The following RAB3B variants were observed in gnomAD, a reference collection of about 807,000 sequenced individuals.
The protein encoded by RAB3B is ras-related protein Rab-3B.
Under a neutral mutation model 20.5 loss-of-function variants are expected in RAB3B, and 11 were observed. That is an observed-to-expected ratio of 0.54 (90% CI 0.34 to 0.89). The LOEUF is 0.89. Among genes scored for constraint, RAB3B ranks in the 40% least tolerant of loss-of-function variants. The probability of loss-of-function intolerance (pLI) is 0.02; values close to 1 mark genes in which losing one functional copy is unlikely to be tolerated. For synonymous variants in RAB3B, 99 were observed against 106.3 expected (o/e 0.93, Z 0.42); for missense variants, 225 against 280.9 (o/e 0.80, Z 1.42).
chr1:51,924,998 G>A (rs1684225110), intron 4 of RAB3B, among the ~76,000 whole-genome samples: 2 of 152,018 alleles, frequency 1.3e-5, no homozygotes, highest in Admixed American at 1.3e-4. Context: ...AATCTGAGAT[G>A]TTCCTCCACC....
At chr1:51,939,408 G>T (rs1297067492) in intron 2 of RAB3B, among the ~76,000 whole-genome samples, 1 of 152,036 alleles carries the variant, frequency 6.6e-6, no homozygotes. Context: ...CAAAAAGGTA[G>T]GCCTTAAATC....
chr1:51,947,929 T>C (rs181434913), intron 2 of RAB3B, among the ~76,000 whole-genome samples: 1 of 152,262 alleles, frequency 6.6e-6, no homozygotes, highest in East Asian at 1.9e-4. Flanking sequence ...GATGGACAGT[T>C]CTGATTATTA....
At chr1:51,964,407 G>GC (rs1342541483) in intron 2 of RAB3B, among the ~76,000 whole-genome samples, 2 of 151,764 alleles carry the variant, frequency 1.3e-5, no homozygotes, top group Non-Finnish European at 2.9e-5. Context: ...ATGTCTCCGG[G>GC]CTCAGTCTGT....
At chr1:51,968,123 T>C (rs1684881603) in intron 2 of RAB3B, among the ~76,000 whole-genome samples, 1 of 152,046 alleles carries the variant, frequency 6.6e-6, no homozygotes, top group Non-Finnish European at 1.5e-5. Context: ...CTCTGGAAGC[T>C]GGAAAAGGCA....
At chr1:51,981,007 T>A (rs1463459266) in intron 1 of RAB3B, among the ~76,000 whole-genome samples, 1 of 152,174 alleles carries the variant, frequency 6.6e-6, no homozygotes, top group Non-Finnish European at 1.5e-5. Flanking sequence ...TTACCAGCTG[T>A]AGCTCAATTA....
At chr1:51,990,156 G>A (rs1438304907) in intron 1 of RAB3B, among the ~76,000 whole-genome samples, 1 of 100,344 alleles carries the variant, frequency 1.0e-5, no homozygotes, top group Non-Finnish European at 2.0e-5. Context: ...CGCCCCCTTC[G>A]CTGCCCCTCG....
At chr1:51,980,808 A>G in intron 1 of RAB3B, 1 of 747,872 alleles carries the variant, frequency 1.3e-6, no homozygotes, top group Non-Finnish European at 2.4e-6. Context: ...GACCCCCACC[A>G]AAGCCCATGT....
chr1:51,946,376 G>A lies in RAB3B; in HGVS notation c.229-8964C>T, dbSNP rs561005224. 2.6e-5 allele frequency among the ~76,000 whole-genome samples: 4 copies of A among 152,276 alleles called. No individual in the cohort carries two copies. The South Asian group carries it at 8.3e-4, about 32-fold the overall frequency. ...CTTTTATTTTTAAAAATCACACTGA[G>A]GAACATTGATTCTCCTCCTACTGAT... On this transcript the variant is annotated intron_variant, in intron 2 of 4. Transcript: ENST00000371655.
At position 51,916,070 on chromosome 1, in the gene RAB3B, T is replaced by A. The variant is rs1684080530; in HGVS notation, c.*3857A>T. 6.6e-6 allele frequency: 1 copy of A among 152,236 alleles called. No individual in the cohort carries two copies. Among genetic ancestry groups the A allele is most frequent in the Non-Finnish European group, 1.5e-5 (1 of 68,048 alleles). 9.4% of individuals were successfully genotyped at this position (152,236 alleles called of 1,614,324 possible). Reference sequence around the variant, plus strand: ...CAGGACAAGTTGCCACTAACACATATTACACAGCTTGAACCTTGGTGGCTA... The same window carrying A: ...CAGGACAAGTTGCCACTAACACATAATACACAGCTTGAACCTTGGTGGCTA... On this transcript the variant is annotated 3_prime_UTR_variant, in exon 5 of 5. Coordinates refer to ENST00000371655, the MANE Select transcript of RAB3B (RefSeq NM_002867.4).
At position 51,986,146 on chromosome 1, in the gene RAB3B, A is replaced by AT. The variant is rs11308826; in HGVS notation, c.-1+4405dup. On this transcript the variant is annotated intron_variant, in intron 1 of 4. Coordinates refer to ENST00000371655, the MANE Select transcript of RAB3B (RefSeq NM_002867.4). ...ACATAGTGAGATTCCATTTCTACGA[A>AT]TTTTTTTTTTTTTTTTTTTTTTGAG... is the stretch of plus-strand genomic sequence containing the variant. Among the ~76,000 whole-genome samples, 91 of 89,242 alleles carry AT rather than the reference A, an allele frequency of 1.0e-3. 2 individuals are homozygous for AT. The highest frequency in any genetic ancestry group is 3.1e-3 in the African/African-American group (74 of 24,176). 58.5% of individuals were successfully genotyped at this position (89,242 alleles called of 152,430 possible). A position where few individuals can be genotyped will look rare whatever the true frequency, so the allele number is the denominator to read the frequency against.
At position 51,919,969 on chromosome 1, in the gene RAB3B, G is replaced by A. The variant is rs1406792480; in HGVS notation, c.618C>T (p.Leu206=). Residue 206 remains leucine (L), a synonymous_variant, in exon 5 of 5, where the codon CTC becomes CTT. Transcript: ENST00000371655. ...SMLGSSKNTR[L]SDTPPLLQQN... ...GCTGCAGCAGCGGTGGGGTGTCCGA[G>A]AGACGCGTGTTCTTGGAGGAGCCCA... The A allele has an allele frequency of 6.2e-7, 1 of 1,614,086 alleles. No homozygotes were observed. Among genetic ancestry groups the A allele is most frequent in the Non-Finnish European group, 8.5e-7 (1 of 1,179,994 alleles).
At chr1:51,928,211 A>G (rs1251436879) in intron 4 of RAB3B, among the ~76,000 whole-genome samples, 1 of 152,034 alleles carries the variant, frequency 6.6e-6, no homozygotes, top group Non-Finnish European at 1.5e-5. Flanking sequence ...GGTTCAGGCG[A>G]TTCTCCTGCC....
chr1:51,989,103 G>GCACACACACACACA (rs60307928), intron 1 of RAB3B, among the ~76,000 whole-genome samples: 11,235 of 132,582 alleles, frequency 0.085, 825 homozygotes, highest in Non-Finnish European at 0.12. Flanking sequence ...CTGTGCGCGC[G>GCACACACACACACA]CACACACACA....
At chr1:51,924,142 T>C (rs990036771) in intron 4 of RAB3B, among the ~76,000 whole-genome samples, 13 of 152,018 alleles carry the variant, frequency 8.6e-5, no homozygotes, top group East Asian at 5.8e-4. Flanking sequence ...GAGGGTGTGG[T>C]TGAGGGGATA....
At position 51,919,070 on chromosome 1, in the gene RAB3B, G is replaced by A. The variant is rs887583542; in HGVS notation, c.*857C>T. The A allele has an allele frequency of 4.7e-5, 7 of 147,504 alleles. No individual in the cohort carries two copies. Among genetic ancestry groups the A allele is most frequent in the Non-Finnish European group, 8.9e-5 (6 of 67,370 alleles). 9.1% of individuals were successfully genotyped at this position (147,504 alleles called of 1,614,324 possible). A position where few individuals can be genotyped will look rare whatever the true frequency, so the allele number is the denominator to read the frequency against. The stretch of plus-strand genomic sequence containing the variant: ...GCAATCTCGGCTCACTGCAAGCTCC[G>A]CTTCCCGGGTTCACGCCATTCTCCT... On this transcript the variant is annotated 3_prime_UTR_variant, in exon 5 of 5. Transcript: ENST00000371655.
chr1:51,920,544 C>T (rs113492077), intron 4 of RAB3B, among the ~76,000 whole-genome samples: 1,638 of 152,254 alleles, frequency 0.011, 38 homozygotes, highest in South Asian at 0.094. Context: ...TCCACAGCAC[C>T]TTACAGTTTC....
rs542240340 is a variant in RAB3B at position 51,914,976 on chromosome 1, T to G, written c.*4951A>C. ...TAAGGCTTCGGTCACCAAGCAATTG[T>G]GGCTATTTAATTAACTGAGGTTATT... On this transcript the variant is annotated 3_prime_UTR_variant, in exon 5 of 5. Transcript: ENST00000371655. The G allele has an allele frequency of 6.6e-6, 1 of 152,344 alleles. No individual in the cohort carries two copies. Among genetic ancestry groups the G allele is most frequent in the Non-Finnish European group, 1.5e-5 (1 of 68,044 alleles). 9.4% of individuals were successfully genotyped at this position (152,344 alleles called of 1,614,324 possible).
At chr1:51,967,228 G>A (rs1428460037) in intron 2 of RAB3B, among the ~76,000 whole-genome samples, 3 of 152,146 alleles carry the variant, frequency 2.0e-5, no homozygotes, top group Admixed American at 6.5e-5. Flanking sequence ...CAGGAGAATC[G>A]CTTGAACCCA....
intron 1 of RAB3B, among the ~76,000 whole-genome samples, chr1:51,982,329 C>T (rs893251840): frequency 3.9e-5 from 6 of 152,324 alleles, no homozygotes; most frequent in Admixed American, 2.0e-4. Context: ...GGGAGGATCG[C>T]TCAAGCCAAG....
Sources: gnomAD v4.1 joint callset for allele counts (sites outside exome capture counted in the v4.1 genomes callset) on GRCh38, gnomAD v4.1.1 for gene constraint, MANE v1.5 for transcripts, NCBI Gene and HGNC (gene_info 2026-07-23, HGNC 2026-07-21) for gene names.